Variants in TENM1 observed in about 807,000 individuals in gnomAD.
TENM1 encodes the protein teneurin transmembrane protein 1.
Under a neutral mutation model 174.8 loss-of-function variants are expected in TENM1, and 35 were observed. The observed-to-expected ratio is 0.20, with a 90% CI of 0.15 to 0.27. The LOEUF is 0.27. TENM1 is among the 10% of genes least tolerant of loss of function. The pLI, the probability that TENM1 is intolerant of heterozygous loss-of-function variation, is 1.00. For synonymous variants in TENM1, 781 were observed against 798.7 expected (o/e 0.98, Z 0.37); for missense variants, 1,633 against 2,130.1 (o/e 0.77, Z 4.59).
the TENM1 span, among the ~76,000 whole-genome samples, chrX:125,024,965 T>C: frequency 2.3e-3 from 251 of 111,441 alleles, no homozygotes; most frequent in African/African-American, 8.0e-3. Flanking sequence ...GTTGGCCTTA[T>C]GGTTCACTGT....
chrX:124,392,405 G>A (rs1449808114), intron 27 of TENM1, 57 bp from the exon 31 acceptor site: 34 of 928,684 alleles, frequency 3.7e-5, no homozygotes, highest in Non-Finnish European at 5.0e-5. Flanking sequence ...CCTCATTAGA[G>A]CACTGACAAT....
At chrX:124,580,330 G>A (rs910212822) in intron 11 of TENM1, among the ~76,000 whole-genome samples, 5 of 110,929 alleles carry the variant, frequency 4.5e-5, no homozygotes, top group East Asian at 2.8e-4. Context: ...AGGATGTTAC[G>A]CTAAGTGGAA....
the TENM1 span, among the ~76,000 whole-genome samples, chrX:125,122,659 C>T: frequency 9.0e-6 from 1 of 111,212 alleles, no homozygotes; most frequent in Non-Finnish European, 1.9e-5. Context: ...TAAGTATCAA[C>T]CATAGTAACC....
chrX:125,068,634 C>T, the TENM1 span, among the ~76,000 whole-genome samples: 1 of 111,444 alleles, frequency 9.0e-6, no homozygotes, highest in African/African-American at 3.3e-5. Context: ...AATGATTTCA[C>T]AGGGGCACGG....
intron 5 of TENM1, among the ~76,000 whole-genome samples, chrX:124,704,028 T>A (rs757539927): frequency 1.8e-5 from 2 of 112,383 alleles, no homozygotes; most frequent in African/African-American, 3.2e-5. Flanking sequence ...AAACTCATTA[T>A]GTGAACTTTT....
intron 22 of TENM1, among the ~76,000 whole-genome samples, chrX:124,457,692 A>G (rs1035810811): frequency 3.6e-5 from 4 of 111,871 alleles, no homozygotes; most frequent in Admixed American, 2.9e-4. Context: ...CTGAGAGTCC[A>G]GATGTGGTGC....
At chrX:125,192,880 C>A in the TENM1 span, among the ~76,000 whole-genome samples, 1 of 111,593 alleles carries the variant, frequency 9.0e-6, no homozygotes, top group Non-Finnish European at 1.9e-5. Context: ...CTATGTTGGA[C>A]AAAAGATCTC....
chrX:124,401,493 T>C (rs1311774564), intron 27 of TENM1, among the ~76,000 whole-genome samples: 2 of 112,115 alleles, frequency 1.8e-5, no homozygotes, highest in Non-Finnish European at 3.8e-5. Flanking sequence ...AATAAATGAT[T>C]CAGTCCAAGG....
chrX:125,099,377 T>C, the TENM1 span, among the ~76,000 whole-genome samples: 10 of 112,536 alleles, frequency 8.9e-5, no homozygotes, highest in Non-Finnish European at 1.9e-4. Context: ...GCAATTATCC[T>C]TTCTTACGTA....
intron 4 of TENM1, among the ~76,000 whole-genome samples, chrX:124,723,898 C>T (rs953615984): frequency 3.6e-5 from 4 of 111,338 alleles, no homozygotes; most frequent in Non-Finnish European, 7.5e-5. Flanking sequence ...CATGCCCGGC[C>T]GAAGCTGGGT....
At chrX:125,010,683 G>A in the TENM1 span, among the ~76,000 whole-genome samples, 1,750 of 108,537 alleles carry the variant, frequency 0.016, 39 homozygotes, top group African/African-American at 0.054. Flanking sequence ...GCGCGGTGGC[G>A]GGTGCCTGTA....
At chrX:125,181,022 C>G in the TENM1 span, among the ~76,000 whole-genome samples, 1 of 111,809 alleles carries the variant, frequency 8.9e-6, no homozygotes, top group East Asian at 2.8e-4. Flanking sequence ...TCCCCCCTAC[C>G]AGATGAAATT....
chrX:124,609,675 G>A (rs929837291), intron 11 of TENM1, among the ~76,000 whole-genome samples: 2 of 111,652 alleles, frequency 1.8e-5, no homozygotes, highest in Non-Finnish European at 3.8e-5. Context: ...ACTCTTGGTT[G>A]CCCCCACTGG....
At chrX:125,038,756 T>C in the TENM1 span, among the ~76,000 whole-genome samples, 1 of 111,671 alleles carries the variant, frequency 9.0e-6, no homozygotes, top group East Asian at 2.8e-4. Context: ...CCTAGACCTT[T>C]ATACCAAAAG....
the TENM1 span, among the ~76,000 whole-genome samples, chrX:125,146,978 GA>G: frequency 6.4e-5 from 7 of 110,070 alleles, no homozygotes; most frequent in African/African-American, 1.3e-4. Context: ...ATAGTTGAAA[GA>G]AAAAATGTAT....
At chrX:124,630,216 C>T (rs909342082) in intron 11 of TENM1, among the ~76,000 whole-genome samples, 7 of 112,372 alleles carry the variant, frequency 6.2e-5, no homozygotes, top group Non-Finnish European at 1.3e-4. Flanking sequence ...AATGAACCTT[C>T]AATATCTTTC....
At chrX:124,661,199 TC>T (rs1455600179) in intron 6 of TENM1, among the ~76,000 whole-genome samples, 3 of 111,942 alleles carry the variant, frequency 2.7e-5, no homozygotes, top group Non-Finnish European at 5.6e-5. Context: ...CTATGAGGTT[TC>T]TTTCTGATGT....
intron 23 of TENM1, among the ~76,000 whole-genome samples, chrX:124,440,467 T>C (rs2060891061): frequency 8.9e-6 from 1 of 111,926 alleles, no homozygotes; most frequent in Admixed American, 9.5e-5. Context: ...TAATTAGCCT[T>C]CATAAGGAGG....
chrX:124,395,336 A>C (rs1445211499), intron 27 of TENM1, among the ~76,000 whole-genome samples: 1 of 110,209 alleles, frequency 9.1e-6, no homozygotes, highest in African/African-American at 3.3e-5. Context: ...GGGGTGTGAC[A>C]CTTTCCTTTT....
Sources: allele counts gnomAD v4.1 joint callset (sites outside exome capture counted in the v4.1 genomes callset), GRCh38; gene constraint gnomAD v4.1.1; transcripts MANE v1.5; gene names NCBI Gene and HGNC (gene_info 2026-07-23, HGNC 2026-07-21).